The following CILP2 variants were observed in gnomAD, a reference collection of about 807,000 sequenced individuals.
CILP2 encodes the protein cartilage intermediate layer protein 2, also known as CILP-2.
CILP2 carries 38 observed loss-of-function variants against 45.6 expected under a neutral mutation model. The observed-to-expected ratio is 0.83, with a 90% confidence interval of 0.64 to 1.09. The LOEUF is 1.09. CILP2 is among the 50% of genes least tolerant of loss of function. CILP2 has a pLI of 0.00. For synonymous variants in CILP2, 780 were observed against 723.5 expected (o/e 1.08, Z -1.25); for missense variants, 1,735 against 1,662.2 (o/e 1.04, Z -0.76).
rs767111012 is a variant in CILP2, at chr19:19,545,095, C to CGGT, written c.2551_2552insGTG (p.Asp850_Asp851insGly). 4 of 1,611,226 alleles carry CGGT rather than the reference C, an allele frequency of 2.5e-6. No individual in the cohort carries two copies. The highest frequency in any genetic ancestry group is 3.4e-6 in the Non-Finnish European group (4 of 1,179,396). Reference sequence around the variant, plus strand: ...TGGGGTACCGTCGGACGGACCACGACGATCCCGCCTTCAAGCGTAACGGCT... The same window carrying CGGT: ...TGGGGTACCGTCGGACGGACCACGACGGTGATCCCGCCTTCAAGCGTAACGGCT... On this transcript the variant is annotated inframe_insertion, in exon 8 of 8. Transcript: ENST00000291495.
rs762422807 is a variant in CILP2, at chr19:19,545,165, G to A, written c.2620G>A (p.Ala874Thr). ...GCCCAGGCCAGGTGACCCCGCCGAG[G>A]CCAATGGGCCTGTGTACCCGTGGCG... is the stretch of plus-strand genomic sequence containing the variant. ...AKPRPGDPAE[A>T]NGPVYPWRSL... is the part of the protein sequence containing the mutation. Residue 874 changes from alanine (A) to threonine (T), a missense_variant, in exon 8 of 8, where the codon GCC becomes ACC. Coordinates refer to ENST00000291495, the MANE Select transcript of CILP2 (RefSeq NM_153221.2). 51 of 1,612,754 alleles carry A rather than the reference G, an allele frequency of 3.2e-5. No homozygotes were observed. The highest frequency in any genetic ancestry group is 4.1e-5 in the Non-Finnish European group (48 of 1,179,870).
rs1325898617 is a variant in CILP2, at chr19:19,543,422, A to G, written c.1135+17A>G. The G allele has an allele frequency of 6.2e-7, 1 of 1,612,286 alleles. No homozygotes were observed. Among genetic ancestry groups the G allele is most frequent in the Non-Finnish European group, 8.5e-7 (1 of 1,179,466 alleles). Reference sequence around the variant, plus strand: ...CTGTACTTGGTGAGTGTCCTTGGCCACAGCCCCGAGCAAGCCTTCACCCAA... The same window carrying G: ...CTGTACTTGGTGAGTGTCCTTGGCCGCAGCCCCGAGCAAGCCTTCACCCAA... On this transcript the variant is annotated intron_variant, in intron 7 of 7. Coordinates refer to ENST00000291495, the MANE Select transcript of CILP2 (RefSeq NM_153221.2).
chr19:19,543,956 C>T lies in CILP2; in HGVS notation c.1411C>T (p.Pro471Ser), dbSNP rs1206657517. Residue 471 changes from proline (P) to serine (S), a missense_variant, in exon 8 of 8, where the codon CCT (proline) becomes TCT (serine). Transcript: ENST00000291495. The part of the protein sequence containing the change: ...AECGCQKCLP[P>S]RGLVRGRVVA... ...GTGTGGCTGCCAGAAGTGTCTGCCC[C>T]CTCGGGGGCTGGTCCGGGGCCGTGT... The T allele has an allele frequency of 9.3e-6, 15 of 1,613,326 alleles. No individual in the cohort carries two copies. The highest frequency in any genetic ancestry group is 1.3e-5 in the Non-Finnish European group (15 of 1,179,696).
Position 19,546,189 on chromosome 19 carries a change from C to G in CILP2, c.*173C>G, listed in dbSNP as rs943167056. ...CCCAGAGCATCCGATGGTAGAAACACCAGGAAGACAATTGTTGCTGTGTGG... is the reference window on the plus strand; with the variant it reads ...CCCAGAGCATCCGATGGTAGAAACAGCAGGAAGACAATTGTTGCTGTGTGG... On this transcript the variant is annotated 3_prime_UTR_variant, in exon 8 of 8. Coordinates refer to ENST00000291495, the MANE Select transcript of CILP2 (RefSeq NM_153221.2). 1 of 499,904 alleles carries G rather than the reference C, an allele frequency of 2.0e-6. No individual in the cohort carries two copies. Among genetic ancestry groups the G allele is most frequent in the African/African-American group, 1.9e-5 (1 of 51,520 alleles). 31.0% of individuals were successfully genotyped at this position (499,904 alleles called of 1,614,324 possible).
chr19:19,538,361 G>GA lies in CILP2; in HGVS notation c.12_13insA (p.Leu5ThrfsTer198). On this transcript the variant is annotated frameshift_variant, in exon 1 of 8. Coordinates refer to ENST00000291495, the MANE Select transcript of CILP2 (RefSeq NM_153221.2). LOFTEE classifies it high-confidence loss of function. ...GCTCTGCCCCGGCCATGGCGTCGCTGCTGCCACTGCTCTGTCTCTGTGTCG... is the reference window on the plus strand; with the variant it reads ...GCTCTGCCCCGGCCATGGCGTCGCTGACTGCCACTGCTCTGTCTCTGTGTCG... The GA allele has an allele frequency of 3.8e-6, 6 of 1,581,392 alleles. No homozygotes were observed. The highest frequency in any genetic ancestry group is 5.1e-6 in the Non-Finnish European group (6 of 1,172,034).
In CILP2 at chr19:19,538,355, G is replaced by A. The variant is rs573458419; in HGVS notation, c.6G>A (p.Ala2=). 2.5e-4 allele frequency: 396 copies of A among 1,580,412 alleles called. 6 individuals are homozygous for A. In the South Asian group the frequency reaches 4.1e-3, roughly 16 times the overall value. The part of the protein sequence containing the change: M[A]SLLPLLCLCV... ...TCGGACGCTCTGCCCCGGCCATGGCGTCGCTGCTGCCACTGCTCTGTCTCT... is the reference window on the plus strand; with the variant it reads ...TCGGACGCTCTGCCCCGGCCATGGCATCGCTGCTGCCACTGCTCTGTCTCT... Residue 2 remains alanine, a synonymous_variant, in exon 1 of 8, where the codon GCG becomes GCA. Coordinates refer to ENST00000291495, the MANE Select transcript of CILP2 (RefSeq NM_153221.2).
chr19:19,546,081 CT>C lies in CILP2; in HGVS notation c.*66del, dbSNP rs2061264652. ...CCTTTGACCCCAGGAAGTTTTGCCC[CT>C]CCTTCTTCTCCAGACAGCCCCCTCC... On this transcript the variant is annotated 3_prime_UTR_variant, in exon 8 of 8. Coordinates refer to ENST00000291495, the MANE Select transcript of CILP2 (RefSeq NM_153221.2). 2 of 1,311,686 alleles carry C rather than the reference CT, an allele frequency of 1.5e-6. No individual in the cohort carries two copies. Among genetic ancestry groups the C allele is most frequent in the Admixed American group, 6.6e-5 (2 of 30,108 alleles). 81.3% of individuals were successfully genotyped at this position (1,311,686 alleles called of 1,614,324 possible). A position where few individuals can be genotyped will look rare whatever the true frequency, so the allele number is the denominator to read the frequency against.
rs752332904 is a variant in CILP2 at position 19,545,420 on chromosome 19, G to A, written c.2875G>A (p.Gly959Arg). 1.2e-6 allele frequency: 2 copies of A among 1,612,560 alleles called. No individual in the cohort carries two copies. Among genetic ancestry groups the A allele is most frequent in the South Asian group, 2.2e-5 (2 of 91,036 alleles). Reference protein sequence around the residue: ...QEYMVRSHNAGGSHPRTRGQL... With the variant: ...QEYMVRSHNARGSHPRTRGQL... The stretch of plus-strand genomic sequence containing the variant: ...GTATATGGTCCGCTCCCACAACGCA[G>A]GGGGCAGCCACCCACGCACCCGCGG... Residue 959 changes from glycine (G) to arginine (R), a missense_variant, in exon 8 of 8, where the codon GGG becomes AGG. Gly to Arg is a moderately radical substitution (Grantham distance 125, BLOSUM62 -2). Transcript: ENST00000291495.
chr19:19,542,499 C>G lies in CILP2; in HGVS notation c.717C>G (p.Thr239=), dbSNP rs1248517265. The G allele has an allele frequency of 1.9e-6, 3 of 1,613,926 alleles. No individual in the cohort carries two copies. The highest frequency in any genetic ancestry group is 2.5e-6 in the Non-Finnish European group (3 of 1,180,042). ...GAGACCAGCCTGGCACTGTGGCCACCAGCGATGCTCACGGAACCTTCCGGG... is the reference window on the plus strand; with the variant it reads ...GAGACCAGCCTGGCACTGTGGCCACGAGCGATGCTCACGGAACCTTCCGGG... ...SLRDQPGTVA[T]SDAHGTFRVP... is the part of the protein sequence containing the mutation. The change falls in exon 5 of 8, where the codon ACC becomes ACG. Residue 239 remains threonine (T), a synonymous_variant. Coordinates refer to ENST00000291495, the MANE Select transcript of CILP2 (RefSeq NM_153221.2).
Position 19,544,348 on chromosome 19 carries a change from G to A in CILP2, c.1803G>A (p.Gly601=). Residue 601 remains glycine, a synonymous_variant, in exon 8 of 8, where the codon GGG becomes GGA. Transcript: ENST00000291495. ...FRRADGKPYS[G]PVEARVTFVD... is the part of the protein sequence containing the mutation. Reference sequence around the variant, plus strand: ...GAGCCGACGGCAAACCCTACTCGGGGCCTGTGGAGGCCCGGGTGACGTTCG... The same window carrying A: ...GAGCCGACGGCAAACCCTACTCGGGACCTGTGGAGGCCCGGGTGACGTTCG... 6.2e-7 allele frequency: 1 copy of A among 1,610,888 alleles called. No individual in the cohort carries two copies.
rs747547566 is a variant in CILP2 at position 19,540,281 on chromosome 19, C to A, written c.241C>A (p.Arg81Ser). Residue 81 changes from arginine (R) to serine (S), a missense_variant, in exon 3 of 8, where the codon CGC (arginine) becomes AGC (serine). Arg to Ser is a moderately radical substitution (Grantham distance 110). Transcript: ENST00000291495. ...CGACTTCGAGAGCCTGGCTGCCATCCGCTTCTACTACGGGCCAGCGCGCGT... is the reference window on the plus strand; with the variant it reads ...CGACTTCGAGAGCCTGGCTGCCATCAGCTTCTACTACGGGCCAGCGCGCGT... ...DGDFESLAAI[R>S]FYYGPARVCP... The A allele has an allele frequency of 6.3e-7, 1 of 1,599,646 alleles. No homozygotes were observed. Among genetic ancestry groups the A allele is most frequent in the Non-Finnish European group, 8.5e-7 (1 of 1,176,174 alleles).
chr19:19,538,386 G>T lies in CILP2; in HGVS notation c.37G>T (p.Val13Phe). ...SLLPLLCLCV[V>F]AAHLAGARDA... ...GCTGCCACTGCTCTGTCTCTGTGTCGTCGCTGCGCACCTGGCGGGGGCCCG... is the reference window on the plus strand; with the variant it reads ...GCTGCCACTGCTCTGTCTCTGTGTCTTCGCTGCGCACCTGGCGGGGGCCCG... Residue 13 changes from valine (V) to phenylalanine (F), a missense_variant, in exon 1 of 8, where the codon GTC becomes TTC. By Grantham distance (50) the Val-to-Phe change is conservative (BLOSUM62 -1). Transcript: ENST00000291495. The T allele has an allele frequency of 2.6e-6, 4 of 1,568,034 alleles. No homozygotes were observed. The highest frequency in any genetic ancestry group is 3.4e-6 in the Non-Finnish European group (4 of 1,165,314).
intron 2 of CILP2, 47 bp downstream of exon 2, chr19:19,539,824 G>T: frequency 2.7e-6 from 4 of 1,475,750 alleles, no homozygotes; most frequent in Non-Finnish European, 3.7e-6. Context: ...GGGCTTGTTG[G>T]GGGTGGGGCT....
At chr19:19,543,011 C>T in intron 6 of CILP2, 39 bp downstream of exon 6, 1 of 1,346,894 alleles carries the variant, frequency 7.4e-7, no homozygotes, top group South Asian at 1.2e-5. Context: ...TCTTCTGTGG[C>T]TTTGGGGTTA....
In CILP2 at chr19:19,544,407, C is replaced by A. The variant is rs775255828; in HGVS notation, c.1862C>A (p.Ala621Asp). 1 of 1,610,272 alleles carries A rather than the reference C, an allele frequency of 6.2e-7. No homozygotes were observed. The highest frequency in any genetic ancestry group is 8.5e-7 in the Non-Finnish European group (1 of 1,179,612). ...CGAGACCTCACCTCGGCGGCGTCTG[C>A]CCCCAGTGACCTGCGCTTCGTGGAC... ...DPRDLTSAAS[A>D]PSDLRFVDSD... The change falls in exon 8 of 8, where the codon GCC becomes GAC. Residue 621 changes from alanine to aspartate, a missense_variant. Coordinates refer to ENST00000291495, the MANE Select transcript of CILP2 (RefSeq NM_153221.2).
At chr19:19,538,435 C>T (rs1427572544) in intron 1 of CILP2, 22 bp downstream of exon 1, 1 of 1,502,548 alleles carries the variant, frequency 6.7e-7, no homozygotes, top group East Asian at 2.7e-5. Flanking sequence ...CCAGCCCCCG[C>T]GCCCAGCCCC....
chr19:19,545,086 G>A lies in CILP2; in HGVS notation c.2541G>A (p.Thr847=), dbSNP rs771856118. 4 of 1,610,614 alleles carry A rather than the reference G, an allele frequency of 2.5e-6. No individual in the cohort carries two copies. The highest frequency in any genetic ancestry group is 2.2e-5 in the South Asian group (2 of 90,892). Residue 847 remains threonine (T), a synonymous_variant, in exon 8 of 8, where the codon ACG becomes ACA. Transcript: ENST00000291495. ...TGGACAGGCTGGGGTACCGTCGGAC[G>A]GACCACGACGATCCCGCCTTCAAGC... ...PYLDRLGYRR[T]DHDDPAFKRN...
Position 19,545,932 on chromosome 19 carries a change from C to T in CILP2, c.3387C>T (p.Ile1129=), listed in dbSNP as rs1431711244. ...CCCCGGCGACAGCACTTGGTGACATCCGCAGGGAGATGAGCGAGGCGGCGC... is the reference window on the plus strand; with the variant it reads ...CCCCGGCGACAGCACTTGGTGACATTCGCAGGGAGATGAGCGAGGCGGCGC... ...LESPATALGD[I]RREMSEAAQA... is the part of the protein sequence containing the mutation. The change falls in exon 8 of 8, where the codon ATC becomes ATT. Residue 1129 remains isoleucine (I), a synonymous_variant. Transcript: ENST00000291495. The T allele has an allele frequency of 6.3e-7, 1 of 1,575,876 alleles. No individual in the cohort carries two copies. Among genetic ancestry groups the T allele is most frequent in the Non-Finnish European group, 8.7e-7 (1 of 1,155,586 alleles).
chr19:19,544,876 C>G lies in CILP2; in HGVS notation c.2331C>G (p.Ala777=). 6.3e-7 allele frequency: 1 copy of G among 1,591,326 alleles called. No homozygotes were observed. The highest frequency in any genetic ancestry group is 1.3e-5 in the African/African-American group (1 of 74,684). ...PAPGFSANPR[A]WGRFDSAVTG... is the part of the protein sequence containing the mutation. ...CCGGCTTCTCCGCCAACCCCCGTGC[C>G]TGGGGCCGCTTTGACAGCGCGGTCA... is the stretch of plus-strand genomic sequence containing the variant. The change falls in exon 8 of 8, where the codon GCC becomes GCG. Residue 777 remains alanine, a synonymous_variant. Coordinates refer to ENST00000291495, the MANE Select transcript of CILP2 (RefSeq NM_153221.2).
Sources: gnomAD v4.1 joint callset for allele counts on GRCh38, gnomAD v4.1.1 for gene constraint, MANE v1.5 for transcripts, NCBI Gene and HGNC (gene_info 2026-07-23, HGNC 2026-07-21) for gene names.